Variants in ANO5 observed in about 807,000 individuals in gnomAD.
ANO5 encodes anoctamin 5, also known as anoctamin-5.
In ANO5, 109 loss-of-function variants were observed where a neutral mutation model predicts 121.0. The observed-to-expected ratio is 0.90, with a 90% CI of 0.77 to 1.06. The LOEUF (loss-of-function observed/expected upper bound fraction) is 1.06, where lower values mean the gene tolerates loss of function less well. ANO5 is among the 50% of genes least tolerant of loss of function. ANO5 has a pLI of 0.00. For synonymous variants in ANO5, 406 were observed against 359.9 expected (o/e 1.13, Z -1.45); for missense variants, 1,064 against 1,078.5 (o/e 0.99, Z 0.19).
intron 17 of ANO5, among the ~76,000 whole-genome samples, chr11:22,269,183 G>A (rs987458896): frequency 4.0e-4 from 57 of 143,988 alleles, no homozygotes; most frequent in African/African-American, 1.4e-3. Flanking sequence ...GGAAGAGAAG[G>A]AAAAGGGAAG....
chr11:22,250,401 A>T (rs548286288), intron 10 of ANO5, 30 bp downstream of exon 10: 1 of 1,612,380 alleles, frequency 6.2e-7, no homozygotes, highest in Admixed American at 1.7e-5. Context: ...CCAGATAGAG[A>T]AAACATCTTT....
At chr11:22,211,392 C>CT in intron 3 of ANO5, 78 bp downstream of exon 3, 1 of 1,441,450 alleles carries the variant, frequency 6.9e-7, no homozygotes, top group Non-Finnish European at 9.7e-7. Flanking sequence ...TGATGATACT[C>CT]TTTTCCAGTT....
chr11:22,196,274 T>C (rs1851807793), intron 1 of ANO5, among the ~76,000 whole-genome samples: 1 of 152,172 alleles, frequency 6.6e-6, no homozygotes, highest in Non-Finnish European at 1.5e-5. Context: ...AAGAGATAAA[T>C]GTGTCCAAAC....
In ANO5 at chr11:22,270,365, T is replaced by C. The variant is rs1854562755; in HGVS notation, c.1952T>C (p.Leu651Pro). The C allele has an allele frequency of 1.2e-6, 2 of 1,614,184 alleles. No individual in the cohort carries two copies. Among genetic ancestry groups the C allele is most frequent in the African/African-American group, 1.3e-5 (1 of 75,064 alleles). ...RRKARTNSEKLYSRWEQDHDL... is the reference protein window; with the variant it reads ...RRKARTNSEKPYSRWEQDHDL... ...AAAGCTCGGACAAACTCTGAGAAGC[T>C]GTATAGTCGATGGGAGCAGGATCAT... The change falls in exon 18 of 22, where the codon CTG becomes CCG. Residue 651 changes from leucine to proline, a missense_variant. Physicochemically the swap from Leu to Pro is moderately conservative, Grantham distance 98. Coordinates refer to ENST00000324559, the MANE Select transcript of ANO5 (RefSeq NM_213599.3).
chr11:22,201,889 G>C (rs979886826), intron 1 of ANO5, among the ~76,000 whole-genome samples: 1 of 152,098 alleles, frequency 6.6e-6, no homozygotes, highest in African/African-American at 2.4e-5. Context: ...TAAACTTTGG[G>C]AGACAAATTC....
rs1201795622 is a variant in ANO5, at chr11:22,276,716, T to C, written c.2520+517T>C. 3.3e-5 allele frequency among the ~76,000 whole-genome samples: 5 copies of C among 150,768 alleles called. No homozygotes were observed. In the South Asian group the frequency reaches 1.0e-3, roughly 31 times the overall value. ...GCTTCCTCTCTTGTGGAATATCTAGTGTAGTTATAGAGATAAGGCCTGCAA... is the reference window on the plus strand; with the variant it reads ...GCTTCCTCTCTTGTGGAATATCTAGCGTAGTTATAGAGATAAGGCCTGCAA... On this transcript the variant is annotated intron_variant, in intron 21 of 21. Coordinates refer to ENST00000324559, the MANE Select transcript of ANO5 (RefSeq NM_213599.3).
chr11:22,274,517 T>G (rs1854755566), intron 19 of ANO5, 52 bp from the exon 20 acceptor site: 1 of 1,497,030 alleles, frequency 6.7e-7, no homozygotes, highest in African/African-American at 1.4e-5. Flanking sequence ...CAGACATTAT[T>G]AAAACTAAAT....
chr11:22,256,730 TTTTTG>T (rs142439689), intron 13 of ANO5, among the ~76,000 whole-genome samples: 19,297 of 151,716 alleles, frequency 0.13, 3,494 homozygotes, highest in African/African-American at 0.4. Context: ...ACAGAGTTTT[TTTTTG>T]TTTTGTTTTG....
At chr11:22,206,573 C>G (rs1852128746) in intron 2 of ANO5, among the ~76,000 whole-genome samples, 1 of 152,064 alleles carries the variant, frequency 6.6e-6, no homozygotes, top group African/African-American at 2.4e-5. Context: ...CTTGGCCTCC[C>G]TAGGTGCTGA....
intron 18 of ANO5, 118 bp downstream of exon 18, chr11:22,270,560 G>A (rs894538437): frequency 4.8e-6 from 7 of 1,459,506 alleles, no homozygotes; most frequent in East Asian, 2.3e-5. Flanking sequence ...TGACTGGTTG[G>A]CAAAAAAGAT....
chr11:22,238,239 A>G (rs373064372), intron 8 of ANO5, among the ~76,000 whole-genome samples: 1 of 149,964 alleles, frequency 6.7e-6, no homozygotes, highest in African/African-American at 2.4e-5. Flanking sequence ...AACACTTTGC[A>G]TTGCATTCTG....
intron 7 of ANO5, among the ~76,000 whole-genome samples, chr11:22,230,718 C>T (rs1044189172): frequency 7.2e-5 from 11 of 151,858 alleles, no homozygotes; most frequent in Non-Finnish European, 1.5e-4. Context: ...TGATGCAAAC[C>T]GGGTCCTCTC....
chr11:22,228,356 T>TA (rs1564924275), intron 7 of ANO5, among the ~76,000 whole-genome samples: 1 of 151,846 alleles, frequency 6.6e-6, no homozygotes, highest in Non-Finnish European at 1.5e-5. Context: ...TTGCTTATTT[T>TA]AAAAAATTTA....
intron 2 of ANO5, among the ~76,000 whole-genome samples, chr11:22,207,445 A>C (rs1852153231): frequency 6.6e-6 from 1 of 152,166 alleles, no homozygotes; most frequent in African/African-American, 2.4e-5. Context: ...TCAATGGAAC[A>C]AACAGGCTGG....
chr11:22,252,947 A>T (rs1853875747), intron 12 of ANO5, among the ~76,000 whole-genome samples: 1 of 152,162 alleles, frequency 6.6e-6, no homozygotes. Flanking sequence ...ACATGCCTCC[A>T]TGATTGCAAT....
intron 9 of ANO5, among the ~76,000 whole-genome samples, chr11:22,242,483 C>T (rs1279752724): frequency 6.6e-6 from 1 of 151,988 alleles, no homozygotes; most frequent in African/African-American, 2.4e-5. Context: ...TTGCTTTGGG[C>T]AGTATGGCCA....
At chr11:22,252,842 T>A (rs932867776) in intron 12 of ANO5, among the ~76,000 whole-genome samples, 9 of 152,276 alleles carry the variant, frequency 5.9e-5, no homozygotes, top group Middle Eastern at 3.4e-3. Context: ...CAACTAGTTT[T>A]TAAAGTTTCT....
In ANO5 at chr11:22,274,729, G is replaced by T; in HGVS notation, c.2396G>T (p.Arg799Leu). Residue 799 changes from arginine (R) to leucine (L), a missense_variant, in exon 20 of 22, where the codon CGA becomes CTA. Transcript: ENST00000324559. ...AACCACACTGCACCTTCGGAAAAAC[G>T]AGACTTCATCACTTGCAGGTGATTT... ...FPNHTAPSEKRDFITCRYRDY... is the reference protein window; with the variant it reads ...FPNHTAPSEKLDFITCRYRDY... 6.2e-7 allele frequency: 1 copy of T among 1,613,324 alleles called. No homozygotes were observed. The highest frequency in any genetic ancestry group is 8.5e-7 in the Non-Finnish European group (1 of 1,179,524).
intron 9 of ANO5, among the ~76,000 whole-genome samples, chr11:22,249,973 C>T (rs928549211): frequency 4.6e-5 from 7 of 152,048 alleles, no homozygotes; most frequent in Non-Finnish European, 8.8e-5. Flanking sequence ...AGTTAAATTC[C>T]GTTTAATTGG....
Sources: allele counts gnomAD v4.1 joint callset (sites outside exome capture counted in the v4.1 genomes callset), GRCh38; gene constraint gnomAD v4.1.1; transcripts MANE v1.5; gene names NCBI Gene and HGNC (gene_info 2026-07-23, HGNC 2026-07-21).